ADK: variants seen among roughly 807,000 people sequenced by gnomAD.
ADK encodes adenosine kinase.
Under a neutral mutation model 44.7 loss-of-function variants are expected in ADK, and 24 were observed. That is an observed-to-expected ratio of 0.54 (90% CI 0.39 to 0.76). ADK has a LOEUF of 0.76. Among genes scored for constraint, ADK ranks in the 30% least tolerant of loss-of-function variants. ADK has a pLI of 0.00. For synonymous variants in ADK, 128 were observed against 142.6 expected (o/e 0.90, Z 0.73); for missense variants, 321 against 425.1 (o/e 0.76, Z 2.15).
At chr10:74,609,094 A>G (rs1224127276) in intron 9 of ADK, among the ~76,000 whole-genome samples, 2 of 152,082 alleles carry the variant, frequency 1.3e-5, no homozygotes, top group Admixed American at 1.3e-4. Flanking sequence ...TCCCCCACCA[A>G]GCTTGAGCAT....
intron 6 of ADK, among the ~76,000 whole-genome samples, chr10:74,417,993 A>G (rs1021056260): frequency 2.0e-5 from 3 of 152,192 alleles, no homozygotes; most frequent in Admixed American, 1.3e-4. Context: ...ATATTTATAT[A>G]TACAAATAAT....
chr10:74,475,918 G>GTAATT (rs1846818882), intron 6 of ADK, among the ~76,000 whole-genome samples: 1 of 152,100 alleles, frequency 6.6e-6, no homozygotes, highest in Non-Finnish European at 1.5e-5. Context: ...ATTGCTTCTA[G>GTAATT]GTTCTCTCAG....
intron 3 of ADK, among the ~76,000 whole-genome samples, chr10:74,269,193 G>A (rs558507651): frequency 6.6e-5 from 10 of 152,132 alleles, no homozygotes; most frequent in South Asian, 6.2e-4. Context: ...GGGTTAATGC[G>A]TGTGTAGTCT....
At chr10:74,182,680 A>G (rs911579399) in intron 1 of ADK, among the ~76,000 whole-genome samples, 2 of 152,258 alleles carry the variant, frequency 1.3e-5, no homozygotes, top group East Asian at 3.9e-4. Flanking sequence ...TTTTATGTGC[A>G]ACGTTGTCAG....
intron 1 of ADK, among the ~76,000 whole-genome samples, chr10:74,151,631 G>T (rs1841591852): frequency 6.6e-6 from 1 of 152,230 alleles, no homozygotes; most frequent in African/African-American, 2.4e-5. Flanking sequence ...AGCAAGCCCA[G>T]GCTGGGCTGG....
intron 3 of ADK, among the ~76,000 whole-genome samples, chr10:74,294,133 C>G (rs1334362366): frequency 1.3e-5 from 2 of 152,084 alleles, no homozygotes; most frequent in Non-Finnish European, 2.9e-5. Flanking sequence ...ATGTCCTATT[C>G]CATCATATGA....
intron 6 of ADK, among the ~76,000 whole-genome samples, chr10:74,431,331 C>G (rs7082872): frequency 0.6 from 91,807 of 152,056 alleles, 30,036 homozygotes; most frequent in Middle Eastern, 0.77. Context: ...GTTATCACAT[C>G]GGCCCAAATG....
At chr10:74,184,371 C>T (rs1842670304) in intron 1 of ADK, among the ~76,000 whole-genome samples, 1 of 152,076 alleles carries the variant, frequency 6.6e-6, no homozygotes, top group Non-Finnish European at 1.5e-5. Context: ...TGCTCTGCTG[C>T]CCAGCTGGAG....
chr10:74,487,935 A>G (rs529652741), intron 6 of ADK, among the ~76,000 whole-genome samples: 2 of 152,194 alleles, frequency 1.3e-5, no homozygotes, highest in Admixed American at 6.5e-5. Context: ...ATCTTTTAAG[A>G]AGGAGACATA....
At chr10:74,602,524 C>T (rs1463579155) in intron 9 of ADK, among the ~76,000 whole-genome samples, 1 of 152,080 alleles carries the variant, frequency 6.6e-6, no homozygotes, top group African/African-American at 2.4e-5. Flanking sequence ...GAAAATTAAC[C>T]TCCCCATTCT....
intron 6 of ADK, among the ~76,000 whole-genome samples, chr10:74,483,275 C>G (rs961723594): frequency 1.3e-5 from 2 of 152,168 alleles, no homozygotes; most frequent in African/African-American, 4.8e-5. Flanking sequence ...GAGCAGTGGC[C>G]TGAGATGTAT....
chr10:74,472,709 A>G (rs962179499), intron 6 of ADK, among the ~76,000 whole-genome samples: 1 of 152,206 alleles, frequency 6.6e-6, no homozygotes, highest in African/African-American at 2.4e-5. Context: ...CCACTTATCA[A>G]GTGCTCATAT....
chr10:74,434,485 C>G (rs1291644243), intron 6 of ADK, among the ~76,000 whole-genome samples: 1 of 152,100 alleles, frequency 6.6e-6, no homozygotes, highest in African/African-American at 2.4e-5. Context: ...GGACAACAAC[C>G]TCATTCTATT....
At chr10:74,324,890 G>A (rs1840953529) in intron 4 of ADK, among the ~76,000 whole-genome samples, 1 of 152,054 alleles carries the variant, frequency 6.6e-6, no homozygotes. Context: ...TTAATATTTC[G>A]GGTACTATAG....
At chr10:74,217,710 T>C (rs528745062) in intron 2 of ADK, among the ~76,000 whole-genome samples, 11 of 152,306 alleles carry the variant, frequency 7.2e-5, no homozygotes, top group African/African-American at 2.4e-4. Flanking sequence ...CATTCGCGGT[T>C]CACGAAAAAC....
chr10:74,647,089 A>G lies in ADK; in HGVS notation c.878-23094A>G, dbSNP rs998883723. Reference sequence around the variant, plus strand: ...ACTCAGCTCTTCCCAATTAATAAACATAGTCATTTCCTTAAAAAAAAAAAA... The same window carrying G: ...ACTCAGCTCTTCCCAATTAATAAACGTAGTCATTTCCTTAAAAAAAAAAAA... On this transcript the variant is annotated intron_variant, in intron 9 of 10. Coordinates refer to ENST00000539909, the MANE Select transcript of ADK (RefSeq NM_006721.4). 1.1e-4 allele frequency among the ~76,000 whole-genome samples: 17 copies of G among 151,664 alleles called. No individual in the cohort carries two copies. In the South Asian group the frequency reaches 3.5e-3, roughly 31 times the overall value.
intron 6 of ADK, among the ~76,000 whole-genome samples, chr10:74,435,541 A>C (rs2133106053): frequency 6.6e-6 from 1 of 152,328 alleles, no homozygotes; most frequent in African/African-American, 2.4e-5. Context: ...AAAACCGCCC[A>C]AATTTATTGA....
At chr10:74,313,277 A>T (rs1025140932) in intron 3 of ADK, among the ~76,000 whole-genome samples, 4 of 152,106 alleles carry the variant, frequency 2.6e-5, no homozygotes, top group African/African-American at 9.7e-5. Context: ...TTTCAAAGTC[A>T]TACACCACTT....
At chr10:74,696,085 ATC>A (rs1856187882) in intron 10 of ADK, among the ~76,000 whole-genome samples, 1 of 152,038 alleles carries the variant, frequency 6.6e-6, no homozygotes, top group African/African-American at 2.4e-5. Flanking sequence ...CAGTGGCACA[ATC>A]TCAGCTCAAC....
Sources: gnomAD v4.1 joint callset for allele counts (sites outside exome capture counted in the v4.1 genomes callset) on GRCh38, gnomAD v4.1.1 for gene constraint, MANE v1.5 for transcripts, NCBI Gene and HGNC (gene_info 2026-07-23, HGNC 2026-07-21) for gene names.